The following MORC1 variants were observed in gnomAD, a reference collection of about 807,000 sequenced individuals.
MORC1 encodes the protein MORC family CW-type zinc finger protein 1.
MORC1 carries 59 observed loss-of-function variants against 134.9 expected under a neutral mutation model. The ratio of observed to expected loss-of-function variants is 0.44; its 90% CI spans 0.35 to 0.54. The LOEUF is 0.54. MORC1 is among the 20% of genes least tolerant of loss of function. The probability of loss-of-function intolerance (pLI) is 0.00; values close to 1 mark genes in which losing one functional copy is unlikely to be tolerated. For missense variants in MORC1, 947 were observed against 1,134.5 expected (o/e 0.83, Z 2.37); for synonymous variants, 395 against 391.7 (o/e 1.01, Z -0.10).
chr3:109,045,470 G>A (rs116595286), intron 14 of MORC1, among the ~76,000 whole-genome samples: 3,731 of 152,274 alleles, frequency 0.025, 68 homozygotes, highest in Non-Finnish European at 0.038. Context: ...ACTCCAATCA[G>A]TTGGTAATGA....
At chr3:109,011,072 G>A (rs1261316837) in intron 17 of MORC1, among the ~76,000 whole-genome samples, 4 of 152,138 alleles carry the variant, frequency 2.6e-5, no homozygotes, top group Admixed American at 2.6e-4. Flanking sequence ...TTAAAAAACT[G>A]CCAAACTAGG....
chr3:109,047,080 C>T (rs1949712006), intron 14 of MORC1, among the ~76,000 whole-genome samples: 1 of 152,156 alleles, frequency 6.6e-6, no homozygotes, highest in Middle Eastern at 3.2e-3. Context: ...CAGCATATTA[C>T]TTCAAAGATG....
chr3:109,042,999 T>C (rs895590086), intron 14 of MORC1, among the ~76,000 whole-genome samples: 6 of 152,194 alleles, frequency 3.9e-5, no homozygotes, highest in African/African-American at 1.4e-4. Context: ...GAAGATCTAT[T>C]GTACATCATT....
At chr3:108,977,804 T>A (rs1327207041) in intron 24 of MORC1, among the ~76,000 whole-genome samples, 1 of 152,098 alleles carries the variant, frequency 6.6e-6, no homozygotes, top group Non-Finnish European at 1.5e-5. Flanking sequence ...GGGAAACTAG[T>A]TAGAGAATCC....
chr3:109,059,837 C>T lies in MORC1; in HGVS notation c.1000G>A (p.Ala334Thr), dbSNP rs373617741. ...TTCTCTTTAAGATTCTTTTGCTTTGCTTCTACATCTTCCAAAGCTCTCTGT... is the reference window on the plus strand; with the variant it reads ...TTCTCTTTAAGATTCTTTTGCTTTGTTTCTACATCTTCCAAAGCTCTCTGT... The part of the protein sequence containing the change: ...VLQRALEDVE[A>T]KQKNLKEKQR... The change falls in exon 12 of 28, where the codon GCA becomes ACA. Residue 334 changes from alanine to threonine, a missense_variant. Physicochemically the swap from Ala to Thr is moderately conservative, Grantham distance 58. Around this residue, in one of 3 missense-constraint regions of MORC1, gnomAD observed 722 missense variants for 817.0 expected, o/e 0.88. Transcript: ENST00000232603. 29 of 1,612,330 alleles carry T rather than the reference C, an allele frequency of 1.8e-5. No individual in the cohort carries two copies. The highest frequency in any genetic ancestry group is 1.5e-4 in the African/African-American group (11 of 74,816).
chr3:108,999,322 T>C (rs1948329480), intron 21 of MORC1, among the ~76,000 whole-genome samples: 1 of 152,172 alleles, frequency 6.6e-6, no homozygotes, highest in African/African-American at 2.4e-5. Context: ...TGAAATCATA[T>C]GATGTCTGGG....
Position 109,063,191 on chromosome 3 carries a change from T to C in MORC1, c.856A>G (p.Lys286Glu). 10 of 1,602,356 alleles carry C rather than the reference T, an allele frequency of 6.2e-6. No individual in the cohort carries two copies. The highest frequency in any genetic ancestry group is 8.5e-6 in the Non-Finnish European group (10 of 1,170,494). Residue 286 changes from lysine (K) to glutamate (E), a missense_variant, in exon 10 of 28, where the codon AAA becomes GAA. By Grantham distance (56) the Lys-to-Glu change is moderately conservative (BLOSUM62 1). Coordinates refer to ENST00000232603, the MANE Select transcript of MORC1 (RefSeq NM_014429.4). The part of the protein sequence containing the change: ...YVTSSFKGAF[K>E]DEVKKAEEAV... ...TCTTCTGCCTTTTTAACTTCATCTT[T>C]AAATGCTCCTTTAAAAGAAGATGTG...
chr3:109,101,178 C>A (rs1270019949), intron 4 of MORC1, among the ~76,000 whole-genome samples: 1 of 152,144 alleles, frequency 6.6e-6, no homozygotes, highest in Admixed American at 6.5e-5. Context: ...TTTGTGAAAT[C>A]CTGAACACAA....
chr3:109,038,359 T>A lies in MORC1; in HGVS notation c.1331-2891A>T, dbSNP rs551905762. Among the ~76,000 whole-genome samples, 10 of 152,290 alleles carry A rather than the reference T, an allele frequency of 6.6e-5. No individual in the cohort carries two copies. In the South Asian group the frequency reaches 2.1e-3, roughly 32 times the overall value. ...TTAGTCCTTTGCCAGATGGGTAGAT[T>A]GCAAACATTTTCTCCCATTCTGCAG... On this transcript the variant is annotated intron_variant, in intron 14 of 27. Coordinates refer to ENST00000232603, the MANE Select transcript of MORC1 (RefSeq NM_014429.4).
At chr3:109,110,917 C>T in intron 2 of MORC1, 134 bp from the exon 3 acceptor site, 4 of 611,228 alleles carry the variant, frequency 6.5e-6, no homozygotes, top group South Asian at 2.6e-5. Flanking sequence ...AAACGTTTCA[C>T]CGTGCTATTA....
At chr3:109,067,643 T>C (rs1396369368) in intron 9 of MORC1, among the ~76,000 whole-genome samples, 2 of 152,190 alleles carry the variant, frequency 1.3e-5, no homozygotes, top group Admixed American at 1.3e-4. Context: ...CAGGAGACAC[T>C]TGGCGCTTCC....
At position 108,960,591 on chromosome 3, in the gene MORC1, A is replaced by G. The variant is rs539815652; in HGVS notation, c.2800-1471T>C. ...TGACTTTTTTGAGGGCCAAAGAACAATAACATCAGCTTATTATAATGGTGT... is the reference window on the plus strand; with the variant it reads ...TGACTTTTTTGAGGGCCAAAGAACAGTAACATCAGCTTATTATAATGGTGT... On this transcript the variant is annotated intron_variant, in intron 27 of 27. Coordinates refer to ENST00000232603, the MANE Select transcript of MORC1 (RefSeq NM_014429.4). Among the ~76,000 whole-genome samples the G allele has an allele frequency of 2.6e-5, 4 of 152,314 alleles. No individual in the cohort carries two copies. In the South Asian group the frequency reaches 8.3e-4, roughly 32 times the overall value.
At chr3:109,064,449 C>T (rs1198769547) in intron 9 of MORC1, among the ~76,000 whole-genome samples, 1 of 152,080 alleles carries the variant, frequency 6.6e-6, no homozygotes, top group African/African-American at 2.4e-5. Flanking sequence ...TGACTTAATA[C>T]AGCATTTTGG....
At chr3:109,062,116 T>A (rs1032751325) in intron 10 of MORC1, 58 bp from the exon 11 acceptor site, 8 of 1,493,024 alleles carry the variant, frequency 5.4e-6, no homozygotes, top group Non-Finnish European at 7.5e-6. Flanking sequence ...CAATTTTAAG[T>A]GAGTATTTTC....
At chr3:109,061,056 T>TTAA (rs1480914281) in intron 11 of MORC1, among the ~76,000 whole-genome samples, 4 of 151,876 alleles carry the variant, frequency 2.6e-5, no homozygotes, top group African/African-American at 9.7e-5. Flanking sequence ...TTTGGGGCAT[T>TTAA]ACCACGAGCT....
intron 24 of MORC1, among the ~76,000 whole-genome samples, chr3:108,975,335 C>T (rs920772524): frequency 1.3e-5 from 2 of 152,120 alleles, no homozygotes; most frequent in African/African-American, 4.8e-5. Context: ...ATTTTCATGG[C>T]CTTTTCCTTT....
chr3:109,117,910 G>C, intron 1 of MORC1, 85 bp downstream of exon 1: 1 of 1,068,342 alleles, frequency 9.4e-7, no homozygotes, highest in South Asian at 1.3e-5. Flanking sequence ...TTCACTTGCT[G>C]AGTATTCCTC....
At position 108,969,653 on chromosome 3, in the gene MORC1, C is replaced by A. The variant is rs761137108; in HGVS notation, c.2604+16G>T. 1.2e-6 allele frequency: 2 copies of A among 1,607,174 alleles called. No individual in the cohort carries two copies. The highest frequency in any genetic ancestry group is 1.7e-6 in the Non-Finnish European group (2 of 1,173,972). ...ATCATTTAGAATATAAATGGTGATA[C>A]TGAAAGGAAGCTTACCTGGTTGAAA... On this transcript the variant is annotated intron_variant, in intron 26 of 27. Transcript: ENST00000232603.
chr3:109,062,666 C>T (rs950620899), intron 10 of MORC1, among the ~76,000 whole-genome samples: 3 of 152,072 alleles, frequency 2.0e-5, no homozygotes, highest in East Asian at 1.9e-4. Context: ...GTGATCCGCC[C>T]GCCTTGAGAA....
Sources: allele counts gnomAD v4.1 joint callset (sites outside exome capture counted in the v4.1 genomes callset), GRCh38; gene constraint gnomAD v4.1.1; regional missense constraint gnomAD v4.1.1; transcripts MANE v1.5; gene names NCBI Gene and HGNC (gene_info 2026-07-23, HGNC 2026-07-21).